ACAD11: variants seen among roughly 807,000 people sequenced by gnomAD.
ACAD11 encodes the protein acyl-Coenzyme A dehydrogenase family, member 11.
ACAD11 carries 83 observed loss-of-function variants against 102.2 expected under a neutral mutation model. That is an observed-to-expected ratio of 0.81 (90% CI 0.68 to 0.97). The LOEUF is 0.97. ACAD11 is among the 50% of genes least tolerant of loss of function. The probability of loss-of-function intolerance (pLI) is 0.00; values close to 1 mark genes in which losing one functional copy is unlikely to be tolerated. For synonymous variants in ACAD11, 324 were observed against 319.8 expected (o/e 1.01, Z -0.14); for missense variants, 901 against 951.7 (o/e 0.95, Z 0.70).
intron 13 of ACAD11, among the ~76,000 whole-genome samples, chr3:132,582,867 A>T (rs907273684): frequency 6.6e-6 from 1 of 152,130 alleles, no homozygotes; most frequent in African/African-American, 2.4e-5. Flanking sequence ...TCAGAGTTGT[A>T]AGAACATGCA....
chr3:132,648,946 A>G (rs893171954), intron 1 of ACAD11, among the ~76,000 whole-genome samples: 3 of 152,246 alleles, frequency 2.0e-5, no homozygotes, highest in African/African-American at 7.2e-5. Context: ...TCACAGAAAC[A>G]TGTGTTGTAT....
At chr3:132,624,604 A>AC (rs1316780073) in intron 9 of ACAD11, among the ~76,000 whole-genome samples, 12 of 145,768 alleles carry the variant, frequency 8.2e-5, no homozygotes, top group African/African-American at 3.0e-4. Flanking sequence ...GACTCCATTA[A>AC]AAAAAAAAAG....
intron 5 of ACAD11, among the ~76,000 whole-genome samples, chr3:132,635,704 C>A (rs1053644954): frequency 1.3e-5 from 2 of 152,176 alleles, no homozygotes; most frequent in Admixed American, 6.5e-5. Context: ...TGGCACACAA[C>A]AGATGGCCAA....
At chr3:132,567,711 T>G (rs1013296120) in intron 17 of ACAD11, among the ~76,000 whole-genome samples, 11 of 152,272 alleles carry the variant, frequency 7.2e-5, no homozygotes, top group Non-Finnish European at 1.3e-4. Flanking sequence ...TCAAATATAA[T>G]GATATAGGGC....
intron 1 of ACAD11, among the ~76,000 whole-genome samples, chr3:132,658,055 G>T (rs1358034529): frequency 6.6e-6 from 1 of 151,856 alleles, no homozygotes; most frequent in Non-Finnish European, 1.5e-5. Context: ...AGAGATGGGG[G>T]TTTCACCATG....
intron 13 of ACAD11, among the ~76,000 whole-genome samples, chr3:132,593,758 G>A (rs1208621684): frequency 6.6e-6 from 1 of 152,150 alleles, no homozygotes; most frequent in African/African-American, 2.4e-5. Context: ...GATGAGAAGA[G>A]GGTGTGGGGA....
At chr3:132,562,818 G>T (rs980411415) in intron 17 of ACAD11, among the ~76,000 whole-genome samples, 1 of 152,146 alleles carries the variant, frequency 6.6e-6, no homozygotes, top group Non-Finnish European at 1.5e-5. Flanking sequence ...TATTCAGGAC[G>T]CTAGTCATTT....
At chr3:132,646,312 T>A (rs1336136991) in intron 1 of ACAD11, 1 of 152,060 alleles carries the variant, frequency 6.6e-6, no homozygotes, top group African/African-American at 2.4e-5. Flanking sequence ...AACATCTGAT[T>A]GGATGCATTT....
intron 8 of ACAD11, among the ~76,000 whole-genome samples, chr3:132,627,990 C>T (rs971299507): frequency 4.6e-5 from 7 of 152,054 alleles, no homozygotes; most frequent in African/African-American, 1.7e-4. Context: ...TGGAAAAGAA[C>T]AATATTTCTA....
chr3:132,644,343 TAG>T (rs1940639420), intron 2 of ACAD11, among the ~76,000 whole-genome samples: 1 of 152,208 alleles, frequency 6.6e-6, no homozygotes, highest in Non-Finnish European at 1.5e-5. Flanking sequence ...GTCTAATATT[TAG>T]AGAGTACTAT....
At chr3:132,577,894 C>A (rs571627726) in intron 15 of ACAD11, among the ~76,000 whole-genome samples, 3 of 152,308 alleles carry the variant, frequency 2.0e-5, no homozygotes, top group East Asian at 3.9e-4. Context: ...TGCAACCCAA[C>A]AATTTCCTAC....
chr3:132,575,975 A>G (rs757523180), intron 16 of ACAD11, 49 bp from the exon 17 acceptor site: 2 of 1,594,282 alleles, frequency 1.3e-6, no homozygotes, highest in African/African-American at 1.3e-5. Flanking sequence ...GGCCTAGCCC[A>G]TTCCTTTTGT....
intron 1 of ACAD11, among the ~76,000 whole-genome samples, chr3:132,658,660 A>G (rs1198556502): frequency 6.6e-6 from 1 of 152,128 alleles, no homozygotes; most frequent in Admixed American, 6.5e-5. Context: ...TCCAATATCT[A>G]TTGGGACATG....
At chr3:132,619,701 T>C (rs1185759883) in intron 9 of ACAD11, among the ~76,000 whole-genome samples, 156 bp from the exon 10 acceptor site, 2 of 152,202 alleles carry the variant, frequency 1.3e-5, no homozygotes, top group East Asian at 1.9e-4. Flanking sequence ...TTCTAAAGGT[T>C]TGCTGATCAC....
chr3:132,634,248 T>C (rs1322223758), intron 5 of ACAD11, among the ~76,000 whole-genome samples: 1 of 152,086 alleles, frequency 6.6e-6, no homozygotes, highest in African/African-American at 2.4e-5. Context: ...GGGTGAACGA[T>C]ATGAACAGAC....
chr3:132,629,348 C>A (rs796874077), intron 7 of ACAD11, among the ~76,000 whole-genome samples: 1 of 152,160 alleles, frequency 6.6e-6, no homozygotes, highest in South Asian at 2.1e-4. Context: ...TTAGTAGATA[C>A]GGGGTTTCAC....
intron 1 of ACAD11, among the ~76,000 whole-genome samples, chr3:132,655,005 T>C (rs568788518): frequency 1.8e-4 from 28 of 152,298 alleles, no homozygotes; most frequent in Admixed American, 1.6e-3. Flanking sequence ...CAATTAATTG[T>C]AACAAAATGA....
intron 1 of ACAD11, among the ~76,000 whole-genome samples, chr3:132,655,676 T>A (rs1480490107): frequency 6.6e-6 from 1 of 152,228 alleles, no homozygotes; most frequent in Non-Finnish European, 1.5e-5. Flanking sequence ...ATGTTACATA[T>A]CAACTTCTAC....
chr3:132,659,481 G>A, intron 1 of ACAD11, 122 bp downstream of exon 1: 6 of 1,399,782 alleles, frequency 4.3e-6, no homozygotes, highest in Middle Eastern at 1.8e-4. Flanking sequence ...TGTAGGGTGC[G>A]TCCACTGACT....
Sources: allele counts gnomAD v4.1 joint callset (sites outside exome capture counted in the v4.1 genomes callset), GRCh38; gene constraint gnomAD v4.1.1; transcripts MANE v1.5; gene names NCBI Gene and HGNC (gene_info 2026-07-23, HGNC 2026-07-21).